The following PTK7 variants were observed in gnomAD, a reference collection of about 807,000 sequenced individuals.
The protein encoded by PTK7 is inactive tyrosine-protein kinase 7.
Under a neutral mutation model 116.6 loss-of-function variants are expected in PTK7, and 39 were observed. That is an observed-to-expected ratio of 0.33 (90% CI 0.26 to 0.44). The LOEUF is 0.44. Ranked by LOEUF, PTK7 falls within the 20% of genes least tolerant of loss-of-function variation. PTK7 has a pLI of 1.00. For synonymous variants in PTK7, 546 were observed against 563.6 expected, an observed-to-expected ratio of 0.97 and a Z score of 0.44; for missense variants, 1,169 against 1,425.6, an observed-to-expected ratio of 0.82 and a Z score of 2.90.
intron 1 of PTK7, among the ~76,000 whole-genome samples, chr6:43,116,651 T>TGCGCGCGCGCGCGCGCGC (rs879197725): frequency 6.5e-5 from 5 of 77,208 alleles, no homozygotes; most frequent in African/African-American, 3.2e-4. Flanking sequence ...TGTGTGTGTG[T>TGCGCGCGCGCGCGCGCGC]GCGCGCGCAC....
In PTK7 at chr6:43,128,980, C is replaced by T. The variant is rs1271114268; in HGVS notation, c.83C>T (p.Thr28Ile). ...TCTCCCCTGTTTGCATCTACAGGTACCCAGACAGCCATTGTCTTCATCAAG... is the reference window on the plus strand; with the variant it reads ...TCTCCCCTGTTTGCATCTACAGGTATCCAGACAGCCATTGTCTTCATCAAG... ...SVLLLPLLGG[T>I]QTAIVFIKQP... is the part of the protein sequence containing the mutation. The change falls in exon 2 of 20, where the codon ACC becomes ATC. Residue 28 changes from threonine to isoleucine, a missense_variant. Physicochemically the swap from Thr to Ile is moderately conservative, Grantham distance 89 (BLOSUM62 -1). Transcript: ENST00000230419. The T allele has an allele frequency of 1.9e-6, 3 of 1,603,694 alleles. No homozygotes were observed. Among genetic ancestry groups the T allele is most frequent in the Non-Finnish European group, 2.6e-6 (3 of 1,173,036 alleles).
At chr6:43,157,327 T>C (rs1236282493) in intron 17 of PTK7, among the ~76,000 whole-genome samples, 1 of 2,116 alleles carries the variant, frequency 4.7e-4, no homozygotes, top group Non-Finnish European at 1.3e-3. Context: ...ACACACACGC[T>C]ATATATATAT....
intron 1 of PTK7, among the ~76,000 whole-genome samples, chr6:43,118,641 CTCTCTCTCTCTCTCTCTCTATA>C (rs1443952751): frequency 4.8e-5 from 4 of 83,350 alleles, no homozygotes; most frequent in Non-Finnish European, 8.9e-5. Context: ...CTCTCTCTCT[CTCTCTCTCTCTCTCTCTCTATA>C]TATATATATA....
Position 43,145,354 on chromosome 6 carries a change from C to T in PTK7, c.2562C>T (p.Asn854=), listed in dbSNP as rs770899344. Residue 854 remains asparagine, a synonymous_variant, in exon 16 of 20, where the codon AAC becomes AAT. Transcript: ENST00000230419. The surrounding 1 kb of genome is among the most constrained non-coding windows in gnomAD (Gnocchi z 4.8). ...AGTTGGAGATGTTTGGGAAGCTGAA[C>T]CACGCCAACGTGGTGCGGCTCCTGG... ...RRELEMFGKL[N]HANVVRLLGL... is the part of the protein sequence containing the mutation. 4 of 1,613,386 alleles carry T rather than the reference C, an allele frequency of 2.5e-6. No homozygotes were observed. Among genetic ancestry groups the T allele is most frequent in the Admixed American group, 1.7e-5 (1 of 59,902 alleles).
chr6:43,131,928 G>A lies in PTK7; in HGVS notation c.813-88G>A, dbSNP rs544688275. On this transcript the variant is annotated intron_variant, in intron 5 of 19. Transcript: ENST00000230419. ...CTGGTCGATTCCTTACTACATTTCC[G>A]ACTTTGCAGGAAAGGGGTTCCCTTG... 22 of 1,558,108 alleles carry A rather than the reference G, an allele frequency of 1.4e-5. No homozygotes were observed. The African/African-American group carries it at 1.8e-4, about 12-fold the overall frequency.
chr6:43,105,783 A>G (rs1041324165), intron 1 of PTK7, among the ~76,000 whole-genome samples: 5 of 152,202 alleles, frequency 3.3e-5, no homozygotes, highest in African/African-American at 9.6e-5. Flanking sequence ...ACCAGGAGCA[A>G]GGACAGAGGC....
chr6:43,160,710 C>A lies in PTK7; in HGVS notation c.3053-11C>A. 3 of 1,613,828 alleles carry A rather than the reference C, an allele frequency of 1.9e-6. No homozygotes were observed. Among genetic ancestry groups the A allele is most frequent in the Non-Finnish European group, 2.5e-6 (3 of 1,179,780 alleles). ...TTTTGGCCAACACTGCACCTGCTGT[C>A]TTCCCTACAGATTTGCAGGCTGGGA... On this transcript the variant is annotated splice_polypyrimidine_tract_variant and intron_variant, in intron 19 of 19. Transcript: ENST00000230419.
Position 43,143,611 on chromosome 6 carries a change from T to G in PTK7, c.2242T>G (p.Cys748Gly). The change falls in exon 14 of 20, where the codon TGC (cysteine) becomes GGC (glycine). Residue 748 changes from cysteine to glycine, a missense_variant. Around this residue, in one of 3 missense-constraint regions of PTK7, gnomAD observed 678 missense variants for 853.8 expected, o/e 0.79. Transcript: ENST00000230419. The surrounding 1 kb of genome is among the most constrained non-coding windows in gnomAD (Gnocchi z 4.2). ...CGAGGGCGAGGAGCCAGAGATGGAA[T>G]GCCTCAACGGTGAGGGGCCCTGGAC... is the stretch of plus-strand genomic sequence containing the variant. ...QPEGEEPEME[C>G]LNGGPLQNGQ... The G allele has an allele frequency of 6.2e-7, 1 of 1,611,888 alleles. No individual in the cohort carries two copies. Among genetic ancestry groups the G allele is most frequent in the South Asian group, 1.1e-5 (1 of 90,992 alleles).
chr6:43,105,818 C>G (rs1767858837), intron 1 of PTK7, among the ~76,000 whole-genome samples: 1 of 152,122 alleles, frequency 6.6e-6, no homozygotes, highest in Admixed American at 6.5e-5. Flanking sequence ...CCCTCTGTGC[C>G]CTCCAGAAGG....
intron 1 of PTK7, among the ~76,000 whole-genome samples, chr6:43,121,056 G>GTTTTT (rs564738874): frequency 1.7e-5 from 2 of 119,722 alleles, no homozygotes; most frequent in African/African-American, 6.5e-5. Flanking sequence ...CCATGTTTCT[G>GTTTTT]TTTTTTTTTT....
intron 1 of PTK7, among the ~76,000 whole-genome samples, chr6:43,110,697 A>G (rs1768150092): frequency 6.6e-6 from 1 of 152,194 alleles, no homozygotes; most frequent in East Asian, 1.9e-4. Flanking sequence ...GGTTTGACCC[A>G]CTGTGCCTGG....
chr6:43,132,946 A>C, intron 7 of PTK7: 2 of 586,892 alleles, frequency 3.4e-6, no homozygotes, highest in Non-Finnish European at 6.1e-6. Context: ...GCAATAGACT[A>C]GGAATCTAGA....
chr6:43,144,185 T>A (rs904736894), intron 14 of PTK7: 15 of 478,516 alleles, frequency 3.1e-5, no homozygotes, highest in African/African-American at 2.9e-4. Context: ...TAAGGACCAG[T>A]GATTCAGATT....
intron 1 of PTK7, among the ~76,000 whole-genome samples, chr6:43,090,489 A>G (rs1766885176): frequency 6.6e-6 from 1 of 152,194 alleles, no homozygotes; most frequent in Admixed American, 6.5e-5. Context: ...TATGATGGTC[A>G]CAGGTATTTG....
intron 1 of PTK7, among the ~76,000 whole-genome samples, chr6:43,118,265 G>A (rs1356147468): frequency 1.8e-4 from 27 of 152,016 alleles, no homozygotes; most frequent in Admixed American, 1.6e-3. Flanking sequence ...GGCCGGGCGC[G>A]TTGGCTCATG....
chr6:43,126,617 G>A (rs7755859), intron 1 of PTK7, among the ~76,000 whole-genome samples: 16,690 of 152,194 alleles, frequency 0.11, 1,477 homozygotes, highest in East Asian at 0.32. Context: ...GTCCCTGGGC[G>A]GGGATGGGAA....
At chr6:43,094,367 G>C (rs1315439848) in intron 1 of PTK7, among the ~76,000 whole-genome samples, 1 of 151,946 alleles carries the variant, frequency 6.6e-6, no homozygotes, top group East Asian at 1.9e-4. Flanking sequence ...TTTTTTGGTT[G>C]CTTTCTGGTT....
chr6:43,138,155 T>A (rs555799416), intron 7 of PTK7, among the ~76,000 whole-genome samples: 116 of 146,984 alleles, frequency 7.9e-4, no homozygotes, highest in African/African-American at 3.0e-3. Context: ...AAAGTGCGTG[T>A]TGGAATACAT....
chr6:43,139,374 CTCG>C lies in PTK7; in HGVS notation c.1499-29_1499-27del, dbSNP rs780428018. 8.1e-6 allele frequency: 13 copies of C among 1,613,994 alleles called. No homozygotes were observed. Among genetic ancestry groups the C allele is most frequent in the Non-Finnish European group, 1.1e-5 (13 of 1,179,956 alleles). On this transcript the variant is annotated intron_variant, in intron 9 of 19. Coordinates refer to ENST00000230419, the MANE Select transcript of PTK7 (RefSeq NM_002821.5). This position sits in a 1 kb window ranked among gnomAD's most constrained non-coding sequence, Gnocchi z 4.6. ...ACGGCCTCTCCAGCGGCCCCAATTC[CTCG>C]TCTTTCTACCCACCCTCTGCTGAAA...
Sources: gnomAD v4.1 joint callset for allele counts (sites outside exome capture counted in the v4.1 genomes callset) on GRCh38, gnomAD v4.1.1 for gene constraint, gnomAD v4.1.1 regional missense constraint, Gnocchi (gnomAD v3.1) non-coding constraint, MANE v1.5 for transcripts, NCBI Gene and HGNC (gene_info 2026-07-23, HGNC 2026-07-21) for gene names.